The following AQP9 variants were observed in gnomAD, a reference collection of about 807,000 sequenced individuals.
AQP9 encodes aquaporin 9.
In AQP9, 19 loss-of-function variants were observed where a neutral mutation model predicts 23.8. The observed-to-expected ratio is 0.80, with a 90% CI of 0.56 to 1.17. The LOEUF is 1.17. Among genes scored for constraint, AQP9 ranks in the 50% most tolerant of loss-of-function variants. AQP9 has a pLI of 0.00. For synonymous variants in AQP9, 153 were observed against 131.5 expected (o/e 1.16, Z -1.12); for missense variants, 413 against 362.0 (o/e 1.14, Z -1.14).
At chr15:58,144,431 C>T (rs1259367780) in intron 1 of AQP9, among the ~76,000 whole-genome samples, 14 of 152,192 alleles carry the variant, frequency 9.2e-5, no homozygotes, top group African/African-American at 2.9e-4. Flanking sequence ...TGTTCACACG[C>T]ATATGTGGTT....
chr15:58,156,560 A>G (rs1898263545), intron 1 of AQP9, among the ~76,000 whole-genome samples: 1 of 152,232 alleles, frequency 6.6e-6, no homozygotes. Context: ...CTCCTTGTCA[A>G]CATGGACATA....
At chr15:58,138,732 G>C (rs1257824825) in intron 1 of AQP9, 56 bp downstream of exon 1, 56 of 1,439,892 alleles carry the variant, frequency 3.9e-5, no homozygotes, top group Non-Finnish European at 4.8e-5. Context: ...CTAGCTGCCA[G>C]GCTGGTAGTG....
intron 2 of AQP9, among the ~76,000 whole-genome samples, chr15:58,172,272 CA>C (rs1462274092): frequency 4.6e-5 from 7 of 152,212 alleles, no homozygotes; most frequent in Admixed American, 1.3e-4. Context: ...TTAAGAGGAT[CA>C]AATCCACCTA....
intron 1 of AQP9, among the ~76,000 whole-genome samples, chr15:58,149,685 G>A (rs538401776): frequency 2.4e-4 from 37 of 152,200 alleles, no homozygotes; most frequent in Non-Finnish European, 2.8e-4. Context: ...GGTGGAGTAG[G>A]ATGGATGGGG....
intron 5 of AQP9, among the ~76,000 whole-genome samples, chr15:58,180,649 C>T (rs1166441658): frequency 1.3e-5 from 2 of 152,256 alleles, no homozygotes; most frequent in East Asian, 1.9e-4. Flanking sequence ...AATAAATTTC[C>T]TAGAACAGCA....
chr15:58,179,420 A>C, intron 5 of AQP9, 75 bp downstream of exon 5: 1 of 1,385,708 alleles, frequency 7.2e-7, no homozygotes, highest in Non-Finnish European at 9.9e-7. Flanking sequence ...TTTGACATGG[A>C]GATCCAGGGA....
chr15:58,184,024 C>G lies in AQP9; in HGVS notation c.777C>G (p.Gly259=). Residue 259 remains glycine (G), a synonymous_variant, in exon 6 of 6, where the codon GGC becomes GGG. Transcript: ENST00000219919. ...VGPLVGAVIG[G]LIYVLVIEIH... is the part of the protein sequence containing the mutation. ...CTTTGGTTGGTGCTGTCATTGGAGGCCTCATCTATGTTCTTGTCATTGAAA... is the reference window on the plus strand; with the variant it reads ...CTTTGGTTGGTGCTGTCATTGGAGGGCTCATCTATGTTCTTGTCATTGAAA... The G allele has an allele frequency of 1.9e-6, 3 of 1,614,132 alleles. No individual in the cohort carries two copies. The highest frequency in any genetic ancestry group is 2.5e-6 in the Non-Finnish European group (3 of 1,180,008).
intron 2 of AQP9, among the ~76,000 whole-genome samples, chr15:58,171,569 G>C (rs1383983935): frequency 6.6e-6 from 1 of 152,136 alleles, no homozygotes; most frequent in Non-Finnish European, 1.5e-5. Context: ...GGCTTTCCTG[G>C]ATTTGAAAGG....
intron 1 of AQP9, chr15:58,151,676 A>C (rs1435026929): frequency 6.6e-6 from 1 of 152,046 alleles, no homozygotes; most frequent in African/African-American, 2.4e-5. Context: ...AATAATAATA[A>C]TATTTACCAC....
At chr15:58,170,950 T>C (rs151296394) in intron 2 of AQP9, among the ~76,000 whole-genome samples, 6 of 151,800 alleles carry the variant, frequency 4.0e-5, no homozygotes, top group African/African-American at 1.4e-4. Context: ...TTGTTGTTGT[T>C]GTTTGTTTTT....
intron 2 of AQP9, among the ~76,000 whole-genome samples, chr15:58,167,186 A>G (rs1179384295): frequency 6.6e-6 from 1 of 152,230 alleles, no homozygotes; most frequent in Non-Finnish European, 1.5e-5. Flanking sequence ...ACCTTTATCT[A>G]TAGCAAACAG....
intron 1 of AQP9, chr15:58,152,957 T>C (rs1490337951): frequency 6.6e-6 from 1 of 152,174 alleles, no homozygotes; most frequent in Non-Finnish European, 1.5e-5. Flanking sequence ...ATTTTTCAAA[T>C]ATTTACTCAT....
chr15:58,150,096 G>A (rs754247422), intron 1 of AQP9, among the ~76,000 whole-genome samples: 6 of 152,200 alleles, frequency 3.9e-5, no homozygotes, highest in Non-Finnish European at 5.9e-5. Context: ...AAGTGAGACC[G>A]AACAGGCAAC....
chr15:58,173,276 G>C, intron 3 of AQP9, 71 bp downstream of exon 3: 1 of 1,592,864 alleles, frequency 6.3e-7, no homozygotes, highest in South Asian at 1.1e-5. Flanking sequence ...TTACTTGGTA[G>C]GCACAGGCGA....
At chr15:58,143,775 A>G (rs934562166) in intron 1 of AQP9, among the ~76,000 whole-genome samples, 6 of 152,184 alleles carry the variant, frequency 3.9e-5, no homozygotes, top group African/African-American at 1.4e-4. Context: ...ATTGATTACA[A>G]TCACCAAGAC....
chr15:58,147,181 G>A (rs1898062390), intron 1 of AQP9, among the ~76,000 whole-genome samples: 2 of 152,044 alleles, frequency 1.3e-5, no homozygotes, highest in South Asian at 4.1e-4. Context: ...AAAACTCACT[G>A]TTTTCATTGA....
intron 5 of AQP9, among the ~76,000 whole-genome samples, chr15:58,179,706 C>T (rs1325274469): frequency 1.3e-5 from 2 of 152,190 alleles, no homozygotes; most frequent in Non-Finnish European, 2.9e-5. Flanking sequence ...CTACAATTTG[C>T]ATCCTATGAT....
intron 1 of AQP9, among the ~76,000 whole-genome samples, chr15:58,140,550 A>C (rs1335005585): frequency 6.6e-6 from 1 of 152,250 alleles, no homozygotes; most frequent in African/African-American, 2.4e-5. Flanking sequence ...ATGTATAAAC[A>C]AAAAGTTCCT....
chr15:58,176,654 A>G (rs1388596010), intron 4 of AQP9, among the ~76,000 whole-genome samples: 1 of 146,062 alleles, frequency 6.8e-6, no homozygotes, highest in African/African-American at 2.5e-5. Flanking sequence ...CTGTTGCCCC[A>G]GGCTGGAGTG....
Sources: gnomAD v4.1 joint callset for allele counts (sites outside exome capture counted in the v4.1 genomes callset) on GRCh38, gnomAD v4.1.1 for gene constraint, MANE v1.5 for transcripts, NCBI Gene and HGNC (gene_info 2026-07-23, HGNC 2026-07-21) for gene names.